The following SDK1 variants were observed in gnomAD, a reference collection of about 807,000 sequenced individuals.
The protein encoded by SDK1 is sidekick cell adhesion molecule 1.
A neutral mutation model predicts 245.5 loss-of-function variants in SDK1; 157 were observed. That is an observed-to-expected ratio of 0.64 (90% CI 0.56 to 0.73). SDK1 has a LOEUF of 0.73. SDK1 is among the 30% of genes least tolerant of loss of function. SDK1 has a pLI of 0.00. For missense variants in SDK1, 3,583 were observed against 3,002.3 expected, an observed-to-expected ratio of 1.19 and a Z score of -4.52; for synonymous variants, 1,647 against 1,278.5, an observed-to-expected ratio of 1.29 and a Z score of -6.15.
chr7:4,157,578 G>C (rs1425702412), intron 30 of SDK1, among the ~76,000 whole-genome samples: 1 of 152,034 alleles, frequency 6.6e-6, no homozygotes, highest in African/African-American at 2.4e-5. Context: ...AGTGCTAACA[G>C]CAGAAGGCAC....
chr7:3,782,833 T>C (rs1283581336), intron 4 of SDK1, among the ~76,000 whole-genome samples: 1 of 152,236 alleles, frequency 6.6e-6, no homozygotes, highest in Non-Finnish European at 1.5e-5. Context: ...GTTGAACTTT[T>C]ATAAGTCAGG....
At chr7:4,169,881 C>G (rs1262245293) in intron 32 of SDK1, among the ~76,000 whole-genome samples, 2 of 152,138 alleles carry the variant, frequency 1.3e-5, no homozygotes, top group Non-Finnish European at 2.9e-5. Flanking sequence ...CCGAGTCACA[C>G]AGGACAGATG....
chr7:3,634,916 T>C (rs1197900861), intron 2 of SDK1, among the ~76,000 whole-genome samples: 1 of 152,212 alleles, frequency 6.6e-6, no homozygotes, highest in Non-Finnish European at 1.5e-5. Flanking sequence ...CCTATTTAGG[T>C]ATTGAAAAAC....
chr7:3,968,279 A>G (rs1782229377), intron 10 of SDK1, among the ~76,000 whole-genome samples: 1 of 152,240 alleles, frequency 6.6e-6, no homozygotes, highest in African/African-American at 2.4e-5. Flanking sequence ...TGCAGTTCCC[A>G]TAGCCCGTTC....
chr7:3,955,015 C>T (rs979835710), intron 7 of SDK1, among the ~76,000 whole-genome samples: 2 of 152,058 alleles, frequency 1.3e-5, no homozygotes, highest in African/African-American at 4.8e-5. Flanking sequence ...ACTGCAGCAC[C>T]TTAGTGCCTG....
chr7:3,791,247 A>G (rs1415155723), intron 4 of SDK1, among the ~76,000 whole-genome samples: 1 of 152,174 alleles, frequency 6.6e-6, no homozygotes, highest in Non-Finnish European at 1.5e-5. Context: ...TAACCTAGCA[A>G]CATTGTGCTG....
intron 4 of SDK1, among the ~76,000 whole-genome samples, chr7:3,705,214 A>G (rs1203757931): frequency 6.6e-6 from 1 of 151,830 alleles, no homozygotes; most frequent in Non-Finnish European, 1.5e-5. Flanking sequence ...TTTTTTTCTA[A>G]TTCCGTTAAA....
intron 1 of SDK1, among the ~76,000 whole-genome samples, chr7:3,326,409 T>C (rs1246020060): frequency 6.6e-6 from 1 of 152,214 alleles, no homozygotes; most frequent in Non-Finnish European, 1.5e-5. Context: ...CTGTGAGTCA[T>C]AGTTTAGTTT....
At chr7:3,835,199 A>G (rs1316137843) in intron 5 of SDK1, among the ~76,000 whole-genome samples, 1 of 152,128 alleles carries the variant, frequency 6.6e-6, no homozygotes, top group Non-Finnish European at 1.5e-5. Context: ...TAAAATTCTG[A>G]TATCTTCTGA....
At chr7:3,925,233 AAC>A (rs75983916) in intron 5 of SDK1, among the ~76,000 whole-genome samples, 19,522 of 152,216 alleles carry the variant, frequency 0.13, 1,688 homozygotes, top group Middle Eastern at 0.2. Flanking sequence ...AACAGGAAGA[AAC>A]ACAGAGCACA....
At chr7:3,876,240 G>A (rs10254099) in intron 5 of SDK1, among the ~76,000 whole-genome samples, 3 of 152,136 alleles carry the variant, frequency 2.0e-5, no homozygotes, top group African/African-American at 7.2e-5. Flanking sequence ...TGGCAACTTT[G>A]TTCAAAGTAT....
At chr7:3,345,413 G>A (rs1780465787) in intron 1 of SDK1, among the ~76,000 whole-genome samples, 1 of 152,078 alleles carries the variant, frequency 6.6e-6, no homozygotes. Flanking sequence ...ATTAAGAGAT[G>A]AGAATTTCCT....
chr7:3,429,397 T>C (rs1454603305), intron 1 of SDK1, among the ~76,000 whole-genome samples: 2 of 152,156 alleles, frequency 1.3e-5, no homozygotes, highest in Non-Finnish European at 2.9e-5. Context: ...GTTGGGTTTT[T>C]TGTTGTTTTT....
chr7:3,847,678 G>T (rs1291373849), intron 5 of SDK1, among the ~76,000 whole-genome samples: 1 of 152,192 alleles, frequency 6.6e-6, no homozygotes, highest in East Asian at 1.9e-4. Context: ...AAAGCCGTGT[G>T]TCCCCTTGCA....
At chr7:3,437,665 G>A (rs1285424247) in intron 1 of SDK1, among the ~76,000 whole-genome samples, 1 of 152,134 alleles carries the variant, frequency 6.6e-6, no homozygotes, top group South Asian at 2.1e-4. Context: ...TATTTCAGGG[G>A]GCAGGGCTAG....
chr7:3,987,682 T>C (rs1456465535), intron 14 of SDK1, among the ~76,000 whole-genome samples: 1 of 152,176 alleles, frequency 6.6e-6, no homozygotes, highest in Non-Finnish European at 1.5e-5. Context: ...CCGCCACTGC[T>C]CATGTCTGTG....
chr7:3,335,176 C>T lies in SDK1; in HGVS notation c.298+33292C>T, dbSNP rs115632478. ...TATCCAGTTGCCAGAGTGACATAAA[C>T]CTAAATCATGTCTTTCCACTGCTCA... On this transcript the variant is annotated intron_variant, in intron 1 of 44. Transcript: ENST00000404826. 8.8e-3 allele frequency among the ~76,000 whole-genome samples: 1,345 copies of T among 152,240 alleles called. 17 individuals are homozygous for T. The highest frequency in any genetic ancestry group is 0.031 in the African/African-American group (1,276 of 41,550).
At chr7:3,329,146 T>C (rs1780005478) in intron 1 of SDK1, among the ~76,000 whole-genome samples, 1 of 152,136 alleles carries the variant, frequency 6.6e-6, no homozygotes, top group African/African-American at 2.4e-5. Flanking sequence ...ACAAATTAAA[T>C]TTGAAGAAAA....
intron 1 of SDK1, among the ~76,000 whole-genome samples, chr7:3,379,369 G>A (rs1035430600): frequency 1.3e-5 from 2 of 152,152 alleles, no homozygotes; most frequent in African/African-American, 2.4e-5. Flanking sequence ...AACTTACTGG[G>A]AGAGGGGTTG....
Sources: allele counts gnomAD v4.1 joint callset (sites outside exome capture counted in the v4.1 genomes callset), GRCh38; gene constraint gnomAD v4.1.1; transcripts MANE v1.5; gene names NCBI Gene and HGNC (gene_info 2026-07-23, HGNC 2026-07-21).